Variants in HDGFL2 observed in about 807,000 individuals in gnomAD.
HDGFL2 encodes hepatoma-derived growth factor-related protein 2.
HDGFL2 carries 36 observed loss-of-function variants against 77.1 expected under a neutral mutation model. The observed-to-expected ratio is 0.47, with a 90% CI of 0.36 to 0.62. The LOEUF is 0.62. Ranked by LOEUF, HDGFL2 falls within the 20% of genes least tolerant of loss-of-function variation. The pLI is 0.00. For missense variants in HDGFL2, 976 were observed against 973.4 expected (o/e 1.00, Z -0.04); for synonymous variants, 463 against 413.1 (o/e 1.12, Z -1.46).
chr19:4,498,254 G>T, intron 11 of HDGFL2, 52 bp from the exon 12 acceptor site: 1 of 1,499,634 alleles, frequency 6.7e-7, no homozygotes, highest in South Asian at 1.1e-5. Context: ...TTGAACAGCT[G>T]GCCCCCTGTG....
chr19:4,475,394 T>TCC, intron 2 of HDGFL2, 43 bp downstream of exon 2: 1 of 1,613,972 alleles, frequency 6.2e-7, no homozygotes. Context: ...CTCTGGTGCC[T>TCC]CCCGGGGTGG....
In HDGFL2 at chr19:4,483,003, A is replaced by G. The variant is rs1975259701; in HGVS notation, c.289-5673A>G. Among the ~76,000 whole-genome samples the G allele has an allele frequency of 2.0e-5, 3 of 152,224 alleles. No homozygotes were observed. In the East Asian group the frequency reaches 5.8e-4, roughly 29 times the overall value. On this transcript the variant is annotated intron_variant, in intron 3 of 15. Coordinates refer to ENST00000616600, the MANE Select transcript of HDGFL2 (RefSeq NM_001001520.3). ...CCCCACCCCCAGCGCTTGTCTCCTT[A>G]CCAGGGATGCTCCAAAGAGAAACCC... is the stretch of plus-strand genomic sequence containing the variant.
intron 3 of HDGFL2, among the ~76,000 whole-genome samples, chr19:4,486,066 A>C (rs1009554292): frequency 6.6e-5 from 10 of 150,738 alleles, no homozygotes; most frequent in South Asian, 2.1e-4. Context: ...AAAAAAAAAA[A>C]AAAAACAACA....
chr19:4,490,112 G>T (rs1388685378), intron 4 of HDGFL2, among the ~76,000 whole-genome samples: 2 of 152,136 alleles, frequency 1.3e-5, no homozygotes, highest in Non-Finnish European at 2.9e-5. Flanking sequence ...TTTTGAGACG[G>T]ACTCTAGTTC....
chr19:4,501,789 G>A (rs35799454), intron 15 of HDGFL2, 122 bp from the exon 16 acceptor site: 18,499 of 655,550 alleles, frequency 0.028, 361 homozygotes, highest in Non-Finnish European at 0.037. Flanking sequence ...ATAGGAGGGC[G>A]GCACTCGAGC....
rs1044393078 is a variant in HDGFL2, at chr19:4,491,933, G to A, written c.678+98G>A. ...GGCAGGGCGGGCCATTTCTGGAGGG[G>A]GTGGGACACGGACTGCAGGGTACCC... On this transcript the variant is annotated intron_variant, in intron 6 of 15. Coordinates refer to ENST00000616600, the MANE Select transcript of HDGFL2 (RefSeq NM_001001520.3). 3.6e-5 allele frequency: 40 copies of A among 1,098,080 alleles called. No individual in the cohort carries two copies. In the South Asian group the frequency reaches 3.9e-4, roughly 11 times the overall value. 68.0% of individuals were successfully genotyped at this position (1,098,080 alleles called of 1,614,324 possible).
intron 4 of HDGFL2, among the ~76,000 whole-genome samples, chr19:4,490,808 T>TC (rs1491557124): frequency 1.4e-4 from 2 of 14,506 alleles, no homozygotes; most frequent in African/African-American, 5.1e-4. Flanking sequence ...TTTTTTTCTC[T>TC]TTTTTTTTTT....
At chr19:4,501,818 G>A (rs915069101) in intron 15 of HDGFL2, 93 bp from the exon 16 acceptor site, 3 of 911,198 alleles carry the variant, frequency 3.3e-6, no homozygotes, top group East Asian at 6.0e-5. Context: ...CCACAACGGG[G>A]GTACACTCCT....
At position 4,501,392 on chromosome 19, in the gene HDGFL2, C is replaced by T. The variant is rs2145225674; in HGVS notation, c.1916+75C>T. 4.7e-6 allele frequency: 7 copies of T among 1,489,530 alleles called. No individual in the cohort carries two copies. In the East Asian group the frequency reaches 9.6e-5, roughly 20 times the overall value. The allele number at this position is 1,489,530 out of a possible 1,614,324, so 92.3% of individuals were successfully genotyped here. A position where few individuals can be genotyped will look rare whatever the true frequency, so the allele number is the denominator to read the frequency against. ...ACGCGCACCCTGGGTCCGAGCCGCT[C>T]CTCCTGTGCCAGTCCCTCTGGGATG... On this transcript the variant is annotated intron_variant, in intron 15 of 15. Coordinates refer to ENST00000616600, the MANE Select transcript of HDGFL2 (RefSeq NM_001001520.3).
At chr19:4,501,568 C>A in intron 15 of HDGFL2, 2 of 490,754 alleles carry the variant, frequency 4.1e-6, no homozygotes, top group Non-Finnish European at 7.1e-6. Flanking sequence ...TGGCTTCTTG[C>A]CGAGCCTCCA....
At position 4,502,169 on chromosome 19, in the gene HDGFL2, C is replaced by CAACA. The variant is rs1568221368; in HGVS notation, c.*160_*163dup. 3 of 689,424 alleles carry CAACA rather than the reference C, an allele frequency of 4.4e-6. No individual in the cohort carries two copies. Among genetic ancestry groups the CAACA allele is most frequent in the East Asian group, 2.7e-5 (1 of 37,130 alleles). 42.7% of individuals were successfully genotyped at this position (689,424 alleles called of 1,614,324 possible). Reference sequence around the variant, plus strand: ...CTGCCTAATTTCTGTGATTTCCAACCAACATGAAATGACTATAAATGGTTT... The same window carrying CAACA: ...CTGCCTAATTTCTGTGATTTCCAACCAACAAACATGAAATGACTATAAATGGTTT... On this transcript the variant is annotated 3_prime_UTR_variant, in exon 16 of 16. Transcript: ENST00000616600.
At position 4,494,188 on chromosome 19, in the gene HDGFL2, A is replaced by C; in HGVS notation, c.937A>C (p.Ile313Leu). 1 of 1,493,970 alleles carries C rather than the reference A, an allele frequency of 6.7e-7. No homozygotes were observed. The highest frequency in any genetic ancestry group is 1.4e-5 in the African/African-American group (1 of 70,220). The allele number at this position is 1,493,970 out of a possible 1,614,324, so 92.5% of individuals were successfully genotyped here. A position where few individuals can be genotyped will look rare whatever the true frequency, so the allele number is the denominator to read the frequency against. The change falls in exon 9 of 16, where the codon ATC becomes CTC. Residue 313 changes from isoleucine to leucine, a missense_variant. By Grantham distance (5) the Ile-to-Leu change is conservative (BLOSUM62 2). Coordinates refer to ENST00000616600, the MANE Select transcript of HDGFL2 (RefSeq NM_001001520.3). ...SDSDSDEVDR[I>L]SEWKRRDEAR... ...CAGTGACAGCGACGAGGTGGACCGC[A>C]TCAGTGAGTGGAAGCGGCGGGACGA...
At chr19:4,488,381 T>C (rs1975415385) in intron 3 of HDGFL2, among the ~76,000 whole-genome samples, 1 of 152,166 alleles carries the variant, frequency 6.6e-6, no homozygotes, top group Admixed American at 6.6e-5. Context: ...AACTGAGCCA[T>C]CCCCATTGCC....
chr19:4,501,231 G>A lies in HDGFL2; in HGVS notation c.1830G>A (p.Lys610=). 1.2e-6 allele frequency: 2 copies of A among 1,613,722 alleles called. No individual in the cohort carries two copies. The highest frequency in any genetic ancestry group is 8.5e-7 in the Non-Finnish European group (1 of 1,179,974). The part of the protein sequence containing the change: ...APVNGEATSQ[K]GESAEDKEHE... Reference sequence around the variant, plus strand: ...TGAATGGCGAGGCCACATCACAGAAGGGGGAGAGCGCAGAGGACAAGGAGC... The same window carrying A: ...TGAATGGCGAGGCCACATCACAGAAAGGGGAGAGCGCAGAGGACAAGGAGC... Residue 610 remains lysine (K), a synonymous_variant, in exon 15 of 16, where the codon AAG becomes AAA. Coordinates refer to ENST00000616600, the MANE Select transcript of HDGFL2 (RefSeq NM_001001520.3).
At chr19:4,495,493 C>A (rs1358755477) in intron 9 of HDGFL2, among the ~76,000 whole-genome samples, 1 of 151,914 alleles carries the variant, frequency 6.6e-6, no homozygotes, top group African/African-American at 2.4e-5. Flanking sequence ...CACACACAGG[C>A]CCAGAGGACT....
At position 4,499,721 on chromosome 19, in the gene HDGFL2, G is replaced by C. The variant is rs778417999; in HGVS notation, c.1789+17G>C. 1 of 1,503,600 alleles carries C rather than the reference G, an allele frequency of 6.7e-7. No homozygotes were observed. The highest frequency in any genetic ancestry group is 9.0e-7 in the Non-Finnish European group (1 of 1,108,116). The allele number at this position is 1,503,600 out of a possible 1,614,324, so 93.1% of individuals were successfully genotyped here. On this transcript the variant is annotated intron_variant, in intron 14 of 15. Transcript: ENST00000616600. The stretch of plus-strand genomic sequence containing the variant: ...CCAGCACCGGTGAGGGGCGGGTGGG[G>C]TGGGCCCTGTACCTCAGTCTCCTCA...
chr19:4,496,467 C>T, intron 10 of HDGFL2, 62 bp downstream of exon 10: 1 of 1,262,414 alleles, frequency 7.9e-7, no homozygotes, highest in South Asian at 1.2e-5. Context: ...CCCCACAACC[C>T]TCACCCCTCA....
chr19:4,474,553 AT>A (rs1403937737), intron 1 of HDGFL2, among the ~76,000 whole-genome samples: 1 of 151,938 alleles, frequency 6.6e-6, no homozygotes, highest in Non-Finnish European at 1.5e-5. Context: ...GAAGGAATGC[AT>A]TGGGAGGGGA....
chr19:4,499,215 G>A (rs570425170), intron 13 of HDGFL2, among the ~76,000 whole-genome samples: 43 of 152,104 alleles, frequency 2.8e-4, no homozygotes, highest in African/African-American at 9.4e-4. Flanking sequence ...GTGTGGTGGC[G>A]CACGCCTGTA....
Sources: allele counts gnomAD v4.1 joint callset (sites outside exome capture counted in the v4.1 genomes callset), GRCh38; gene constraint gnomAD v4.1.1; transcripts MANE v1.5; gene names NCBI Gene and HGNC (gene_info 2026-07-23, HGNC 2026-07-21).